ERAP1: variants seen among roughly 807,000 people sequenced by gnomAD.
ERAP1 encodes adipocyte-derived leucine aminopeptidase.
In ERAP1, 86 loss-of-function variants were observed where a neutral mutation model predicts 103.7. The ratio of observed to expected loss-of-function variants is 0.83; its 90% confidence interval spans 0.70 to 0.99. The LOEUF (loss-of-function observed/expected upper bound fraction) is 0.99, where lower values mean the gene tolerates loss of function less well. Among genes scored for constraint, ERAP1 ranks in the 50% least tolerant of loss-of-function variants. The pLI, the probability that ERAP1 is intolerant of heterozygous loss-of-function variation, is 0.00. For synonymous variants in ERAP1, 398 were observed against 402.4 expected, an observed-to-expected ratio of 0.99 and a Z score of 0.13; for missense variants, 1,009 against 1,128.4, an observed-to-expected ratio of 0.89 and a Z score of 1.52.
Position 96,794,095 on chromosome 5 carries a change from C to T in ERAP1, c.920-138G>A, listed in dbSNP as rs532134456. The T allele has an allele frequency of 1.9e-5, 14 of 719,290 alleles. No homozygotes were observed. The East Asian group carries it at 4.9e-4, about 25-fold the overall frequency. The allele number at this position is 719,290 out of a possible 1,614,324, so 44.6% of individuals were successfully genotyped here. A position where few individuals can be genotyped will look rare whatever the true frequency, so the allele number is the denominator to read the frequency against. On this transcript the variant is annotated intron_variant, in intron 5 of 18. Coordinates refer to ENST00000443439, the MANE Select transcript of ERAP1 (RefSeq NM_001040458.3). ...AGCTCTAGACTGGAAGAACCTTTCA[C>T]AATGGAGAAAAAGAGGCTTAGTGAC...
chr5:96,882,255 G>A, the ERAP1 span, among the ~76,000 whole-genome samples: 6 of 152,166 alleles, frequency 3.9e-5, no homozygotes, highest in East Asian at 1.9e-4. Flanking sequence ...TTCAAATGCC[G>A]AAGGCCCCAT....
chr5:96,906,481 T>C, the ERAP1 span, among the ~76,000 whole-genome samples: 1 of 152,104 alleles, frequency 6.6e-6, no homozygotes, highest in African/African-American at 2.4e-5. Flanking sequence ...TTGTCCAGGC[T>C]GGTCTCAAAC....
chr5:96,931,931 G>A, the ERAP1 span, among the ~76,000 whole-genome samples: 1 of 152,172 alleles, frequency 6.6e-6, no homozygotes, highest in African/African-American at 2.4e-5. Context: ...ATAAATGTCT[G>A]TATCATTTAA....
chr5:96,925,754 A>G, the ERAP1 span, among the ~76,000 whole-genome samples: 1 of 152,166 alleles, frequency 6.6e-6, no homozygotes, highest in Admixed American at 6.5e-5. Flanking sequence ...TGGAAATGAT[A>G]TATCTATACC....
At chr5:96,765,665 C>T (rs900959442) in intron 19 of ERAP1, among the ~76,000 whole-genome samples, 4 of 152,066 alleles carry the variant, frequency 2.6e-5, no homozygotes, top group Non-Finnish European at 4.4e-5. Context: ...TAAATGTGAC[C>T]TCTCTAAATG....
chr5:96,929,546 C>A, the ERAP1 span, among the ~76,000 whole-genome samples: 1 of 151,568 alleles, frequency 6.6e-6, no homozygotes, highest in Non-Finnish European at 1.5e-5. Context: ...GTGTAGTGCA[C>A]CCCGGCGGGA....
chr5:96,773,207 G>A (rs746800752), downstream of ERAP1: 3 of 153,676 alleles, frequency 2.0e-5, no homozygotes, highest in Non-Finnish European at 2.9e-5. Context: ...ATTAATAACA[G>A]GTAACCTGGA....
In ERAP1 at chr5:96,775,274, A is replaced by C. The variant is rs989556933; in HGVS notation, c.*1122T>G. 11 of 590,388 alleles carry C rather than the reference A, an allele frequency of 1.9e-5. No individual in the cohort carries two copies. Among genetic ancestry groups the C allele is most frequent in the African/African-American group, 2.4e-5 (1 of 41,218 alleles). The allele number at this position is 590,388 out of a possible 1,614,324, so 36.6% of individuals were successfully genotyped here. A position where few individuals can be genotyped will look rare whatever the true frequency, so the allele number is the denominator to read the frequency against. ...GTGTGAAGTCTTCACAAAAGAAAGA[A>C]AGACTTCAAAGCCAAAGAATGTCCT... On this transcript the variant is annotated 3_prime_UTR_variant, in exon 19 of 19. Coordinates refer to ENST00000443439, the MANE Select transcript of ERAP1 (RefSeq NM_001040458.3).
chr5:96,845,140 T>C, the ERAP1 span, among the ~76,000 whole-genome samples: 80 of 152,336 alleles, frequency 5.3e-4, 2 homozygotes, highest in East Asian at 0.014. Context: ...AGAGTTAAAC[T>C]GGGAATAGAA....
upstream of ERAP1, among the ~76,000 whole-genome samples, chr5:96,811,654 A>G (rs1002790588): frequency 6.6e-6 from 1 of 152,246 alleles, no homozygotes; most frequent in African/African-American, 2.4e-5. Flanking sequence ...AGAGTCCTGT[A>G]TTACCATACA....
At chr5:96,870,013 T>G in the ERAP1 span, among the ~76,000 whole-genome samples, 1 of 152,130 alleles carries the variant, frequency 6.6e-6, no homozygotes, top group African/African-American at 2.4e-5. Flanking sequence ...TAAGCTAAGA[T>G]TCTAGAAAAG....
intron 11 of ERAP1, 79 bp from the exon 12 acceptor site, chr5:96,786,628 G>C: frequency 1.1e-6 from 1 of 938,768 alleles, no homozygotes. Context: ...TCATGTGCCA[G>C]GCACTGGTTA....
At chr5:96,862,304 A>T in the ERAP1 span, among the ~76,000 whole-genome samples, 1 of 152,208 alleles carries the variant, frequency 6.6e-6, no homozygotes, top group African/African-American at 2.4e-5. Flanking sequence ...CAATCTTTAC[A>T]AAAGGTGATA....
the ERAP1 span, among the ~76,000 whole-genome samples, chr5:96,874,238 C>T: frequency 6.6e-6 from 1 of 152,078 alleles, no homozygotes; most frequent in African/African-American, 2.4e-5. Context: ...CTGAGAAACT[C>T]TTTTAAATAA....
the ERAP1 span, among the ~76,000 whole-genome samples, chr5:96,891,367 A>ATGTATATATATATATGTG: frequency 6.8e-6 from 1 of 146,044 alleles, no homozygotes; most frequent in African/African-American, 2.6e-5. Context: ...GTATATATAT[A>ATGTATATATATATATGTG]TGTGTATATA....
intron 3 of ERAP1, among the ~76,000 whole-genome samples, 189 bp from the exon 4 acceptor site, chr5:96,797,498 C>CACCA (rs1777475293): frequency 6.6e-6 from 1 of 152,046 alleles, no homozygotes; most frequent in Admixed American, 6.6e-5. Context: ...AACCCTATCT[C>CACCA]TACAAAAAAA....
At chr5:96,811,012 C>T (rs1779116923), upstream of ERAP1, among the ~76,000 whole-genome samples, 2 of 152,118 alleles carry the variant, frequency 1.3e-5, 1 homozygote, top group South Asian at 4.1e-4. Flanking sequence ...TCAGCCTTGC[C>T]CACTGCTATC....
chr5:96,788,467 G>A (rs1776344954), intron 11 of ERAP1, 64 bp downstream of exon 11: 1 of 1,585,364 alleles, frequency 6.3e-7, no homozygotes. Context: ...TCAAAAGCAA[G>A]GTTCCATCCT....
chr5:96,900,268 C>T, the ERAP1 span: 1 of 1,515,974 alleles, frequency 6.6e-7, no homozygotes, highest in Non-Finnish European at 8.8e-7. Context: ...TACAGAGTAG[C>T]CCACCTGTCC....
Sources: gnomAD v4.1 joint callset for allele counts (sites outside exome capture counted in the v4.1 genomes callset) on GRCh38, gnomAD v4.1.1 for gene constraint, MANE v1.5 for transcripts, NCBI Gene and HGNC (gene_info 2026-07-23, HGNC 2026-07-21) for gene names.